Variants in CEP295 observed in about 807,000 individuals in gnomAD.
CEP295 encodes the protein centrosomal protein of 295 kDa.
CEP295 carries 190 observed loss-of-function variants against 291.6 expected under a neutral mutation model. The ratio of observed to expected loss-of-function variants is 0.65; its 90% CI spans 0.58 to 0.73. CEP295 has a LOEUF of 0.73. Among genes scored for constraint, CEP295 ranks in the 30% least tolerant of loss-of-function variants. The probability of loss-of-function intolerance (pLI) is 0.00; values close to 1 mark genes in which losing one functional copy is unlikely to be tolerated. For missense variants in CEP295, 2,863 were observed against 2,949.4 expected (o/e 0.97, Z 0.68); for synonymous variants, 993 against 1,038.8 (o/e 0.96, Z 0.85).
intron 22 of CEP295, 119 bp downstream of exon 22, chr11:93,724,494 C>A: frequency 1.0e-6 from 1 of 985,446 alleles, no homozygotes; most frequent in Non-Finnish European, 1.5e-6. Context: ...AGTCTGGGCA[C>A]AGTGGCTCAC....
intron 15 of CEP295, among the ~76,000 whole-genome samples, chr11:93,700,644 G>A (rs1001802793): frequency 6.6e-6 from 1 of 151,522 alleles, no homozygotes; most frequent in African/African-American, 2.4e-5. Context: ...ATGTTGCTGG[G>A]ATTACAAAGT....
At chr11:93,704,200 G>T (rs1206896946) in intron 17 of CEP295, among the ~76,000 whole-genome samples, 4 of 152,020 alleles carry the variant, frequency 2.6e-5, no homozygotes, top group Non-Finnish European at 4.4e-5. Context: ...CATTAGCTTT[G>T]TCAATAGAAA....
intron 1 of CEP295, 147 bp from the exon 2 acceptor site, chr11:93,666,535 A>G: frequency 2.2e-6 from 1 of 462,070 alleles, no homozygotes; most frequent in African/African-American, 1.9e-5. Context: ...CAGAGGTTAC[A>G]GTAAGCTGAG....
At chr11:93,724,417 A>G (rs1438615435) in intron 22 of CEP295, 42 bp downstream of exon 22, 4 of 1,529,752 alleles carry the variant, frequency 2.6e-6, no homozygotes, top group Non-Finnish European at 1.8e-6. Flanking sequence ...ATATCTAAAA[A>G]TAGTTTTAAG....
At chr11:93,667,142 CAA>C (rs980949643) in intron 2 of CEP295, among the ~76,000 whole-genome samples, 1 of 152,178 alleles carries the variant, frequency 6.6e-6, no homozygotes, top group African/African-American at 2.4e-5. Flanking sequence ...GCTGCTGAAA[CAA>C]ATTTATCAGG....
At chr11:93,717,864 C>T (rs957206413) in intron 18 of CEP295, among the ~76,000 whole-genome samples, 12 of 152,090 alleles carry the variant, frequency 7.9e-5, no homozygotes, top group African/African-American at 1.7e-4. Flanking sequence ...ATACCAGGGA[C>T]GGCTTTTCTC....
intron 11 of CEP295, 47 bp downstream of exon 11, chr11:93,691,822 C>CT (rs770012250): frequency 1.5e-4 from 196 of 1,328,864 alleles, no homozygotes; most frequent in South Asian, 5.7e-4. Flanking sequence ...CTCCTTGCAT[C>CT]TTTTTTTTAA....
chr11:93,664,624 A>G (rs1950128861), intron 1 of CEP295, among the ~76,000 whole-genome samples: 1 of 152,232 alleles, frequency 6.6e-6, no homozygotes, highest in Admixed American at 6.5e-5. Flanking sequence ...TCATTCATTC[A>G]GTCAACACAC....
At chr11:93,722,741 T>G (rs1252886532) in intron 20 of CEP295, 3 of 260,478 alleles carry the variant, frequency 1.2e-5, no homozygotes. Flanking sequence ...TTAAAAGGAA[T>G]ATAGTGTCGC....
chr11:93,680,182 T>G (rs1483257822), intron 7 of CEP295, among the ~76,000 whole-genome samples: 1 of 151,868 alleles, frequency 6.6e-6, no homozygotes, highest in Non-Finnish European at 1.5e-5. Context: ...GAGGCCAAGG[T>G]GGGAGGATCA....
At position 93,700,333 on chromosome 11, in the gene CEP295, G is replaced by A. The variant is rs983136500; in HGVS notation, c.5274+147G>A. 4 of 729,982 alleles carry A rather than the reference G, an allele frequency of 5.5e-6. No individual in the cohort carries two copies. In the Admixed American group the frequency reaches 1.3e-4, roughly 23 times the overall value. The allele number at this position is 729,982 out of a possible 1,614,324, so 45.2% of individuals were successfully genotyped here. The stretch of plus-strand genomic sequence containing the variant: ...ATTTTTCACCCTAAATGATGTGGAA[G>A]TTAAAACAAAAATCGATCCACCCAC... On this transcript the variant is annotated intron_variant, in intron 15 of 29. Coordinates refer to ENST00000325212, the MANE Select transcript of CEP295 (RefSeq NM_033395.2).
chr11:93,726,789 G>T, intron 23 of CEP295, 187 bp from the exon 24 acceptor site: 1 of 455,724 alleles, frequency 2.2e-6, no homozygotes, highest in East Asian at 3.4e-5. Flanking sequence ...AAAATACTTG[G>T]TGTGAGCTGT....
intron 5 of CEP295, among the ~76,000 whole-genome samples, chr11:93,671,075 G>T (rs888013609): frequency 9.9e-5 from 15 of 152,040 alleles, no homozygotes; most frequent in Non-Finnish European, 1.5e-4. Context: ...TAGAGACGGG[G>T]TTTCACCATG....
rs1565445361 is a variant in CEP295, at chr11:93,683,681, G to A, written c.888G>A (p.Met296Ile). 1 of 1,549,672 alleles carries A rather than the reference G, an allele frequency of 6.5e-7. No homozygotes were observed. The highest frequency in any genetic ancestry group is 1.2e-5 in the South Asian group (1 of 83,428). The change falls in exon 8 of 30, where the codon ATG (methionine) becomes ATA (isoleucine). Residue 296 changes from methionine (M) to isoleucine (I), a missense_variant. This residue lies in a region of CEP295 where 554 missense variants were observed against 576.0 expected (regional missense o/e 0.96). Coordinates refer to ENST00000325212, the MANE Select transcript of CEP295 (RefSeq NM_033395.2). ...AACTTCCATACAAACGCAGTGAAATGAAAGAAGACTGGCAGAGAGAATTGG... is the reference window on the plus strand; with the variant it reads ...AACTTCCATACAAACGCAGTGAAATAAAAGAAGACTGGCAGAGAGAATTGG... The part of the protein sequence containing the change: ...LVELPYKRSE[M>I]KEDWQRELEF...
chr11:93,668,141 G>A (rs1398781168), intron 3 of CEP295, among the ~76,000 whole-genome samples: 9 of 152,148 alleles, frequency 5.9e-5, no homozygotes, highest in Non-Finnish European at 1.0e-4. Context: ...ATTTGGTGGG[G>A]TGAATTCAAC....
chr11:93,681,759 C>T lies in CEP295; in HGVS notation c.766-1800C>T, dbSNP rs533357753. Among the ~76,000 whole-genome samples the T allele has an allele frequency of 3.9e-5, 6 of 151,960 alleles. No homozygotes were observed. The South Asian group carries it at 1.3e-3, about 32-fold the overall frequency. The stretch of plus-strand genomic sequence containing the variant: ...TAGAGACGGGGTTTCACCATGTTGG[C>T]CAGGCTGGAACTCCTGACCTCAAAC... On this transcript the variant is annotated intron_variant, in intron 7 of 29. Coordinates refer to ENST00000325212, the MANE Select transcript of CEP295 (RefSeq NM_033395.2).
At chr11:93,668,392 G>GT (rs1414861555) in intron 3 of CEP295, among the ~76,000 whole-genome samples, 15 of 152,062 alleles carry the variant, frequency 9.9e-5, no homozygotes, top group African/African-American at 3.4e-4. Flanking sequence ...AGTAATAGCC[G>GT]TAAGTTCTGA....
At position 93,698,127 on chromosome 11, in the gene CEP295, A is replaced by C. The variant is rs577056273; in HGVS notation, c.3215A>C (p.Gln1072Pro). ...TTGACTAAACAGAGGGATACTCTTCAGGCTAGGCATGAAGCTCAGGTGGAA... is the reference window on the plus strand; with the variant it reads ...TTGACTAAACAGAGGGATACTCTTCCGGCTAGGCATGAAGCTCAGGTGGAA... ...EQLTKQRDTL[Q>P]ARHEAQVELL... The change falls in exon 15 of 30, where the codon CAG becomes CCG. Residue 1072 changes from glutamine to proline, a missense_variant. Gln to Pro is a moderately conservative substitution (Grantham distance 76). Transcript: ENST00000325212. 46 of 1,552,240 alleles carry C rather than the reference A, an allele frequency of 3.0e-5. No individual in the cohort carries two copies. In the East Asian group the frequency reaches 8.3e-4, roughly 28 times the overall value.
rs1474652950 is a variant in CEP295, at chr11:93,729,516, G to C, written c.7385G>C (p.Arg2462Thr). 1 of 1,551,686 alleles carries C rather than the reference G, an allele frequency of 6.4e-7. No individual in the cohort carries two copies. Residue 2462 changes from arginine (R) to threonine (T), a missense_variant, in exon 26 of 30, where the codon AGG (arginine) becomes ACG (threonine). By Grantham distance (71) the Arg-to-Thr change is moderately conservative. Coordinates refer to ENST00000325212, the MANE Select transcript of CEP295 (RefSeq NM_033395.2). ...AVSELSIEKP[R>T]TASTETPRRL... The stretch of plus-strand genomic sequence containing the variant: ...TCAGAACTTTCCATAGAAAAACCAA[G>C]GACAGCATCTACAGGTAAGCCTTGG...
Sources: gnomAD v4.1 joint callset for allele counts (sites outside exome capture counted in the v4.1 genomes callset) on GRCh38, gnomAD v4.1.1 for gene constraint, gnomAD v4.1.1 regional missense constraint, MANE v1.5 for transcripts, NCBI Gene and HGNC (gene_info 2026-07-23, HGNC 2026-07-21) for gene names.